PCDH9: variants seen among roughly 807,000 people sequenced by gnomAD.
The protein encoded by PCDH9 is protocadherin-9.
A neutral mutation model predicts 70.6 loss-of-function variants in PCDH9; 24 were observed. The ratio of observed to expected loss-of-function variants is 0.34; its 90% CI spans 0.25 to 0.48. The LOEUF (loss-of-function observed/expected upper bound fraction) is 0.48. Among genes scored for constraint, PCDH9 ranks in the 20% least tolerant of loss-of-function variants. PCDH9 has a pLI of 0.99. For missense variants in PCDH9, 1,281 were observed against 1,503.6 expected, an observed-to-expected ratio of 0.85 and a Z score of 2.45; for synonymous variants, 562 against 558.5, an observed-to-expected ratio of 1.01 and a Z score of -0.09.
chr13:67,036,747 A>T (rs1254867916), intron 2 of PCDH9, among the ~76,000 whole-genome samples: 1 of 152,092 alleles, frequency 6.6e-6, no homozygotes, highest in Non-Finnish European at 1.5e-5. Context: ...CAGGGTTTAT[A>T]TGATAAAATT....
At chr13:67,021,570 T>C (rs1271447582) in intron 2 of PCDH9, among the ~76,000 whole-genome samples, 1 of 152,160 alleles carries the variant, frequency 6.6e-6, no homozygotes, top group Non-Finnish European at 1.5e-5. Context: ...GTGTAATTTT[T>C]TTTTCTTTTG....
chr13:67,054,915 A>G (rs1380238703), intron 2 of PCDH9, among the ~76,000 whole-genome samples: 3 of 152,186 alleles, frequency 2.0e-5, no homozygotes, highest in South Asian at 2.1e-4. Flanking sequence ...GAAATGAGAG[A>G]ATATGTTGGG....
At chr13:66,547,615 A>T (rs1406801042) in intron 4 of PCDH9, among the ~76,000 whole-genome samples, 1 of 152,064 alleles carries the variant, frequency 6.6e-6, no homozygotes, top group Non-Finnish European at 1.5e-5. Context: ...AAATATGCCC[A>T]TGATAGTTCC....
chr13:67,074,377 C>T (rs909493410), intron 2 of PCDH9, among the ~76,000 whole-genome samples: 1 of 152,076 alleles, frequency 6.6e-6, no homozygotes, highest in South Asian at 2.1e-4. Flanking sequence ...CTGAATCTGT[C>T]AGCATGTTGA....
chr13:67,178,151 A>AT (rs2088515201), intron 2 of PCDH9, among the ~76,000 whole-genome samples: 1 of 152,058 alleles, frequency 6.6e-6, no homozygotes, highest in Non-Finnish European at 1.5e-5. Context: ...TATGTCTTGA[A>AT]TTCTTACTGC....
intron 2 of PCDH9, among the ~76,000 whole-genome samples, chr13:66,919,925 T>C (rs998873773): frequency 1.3e-5 from 2 of 151,170 alleles, no homozygotes; most frequent in Non-Finnish European, 3.0e-5. Context: ...TATCCTGATG[T>C]TCATTTTTCA....
chr13:66,313,498 T>C (rs1955598908), intron 4 of PCDH9, among the ~76,000 whole-genome samples: 1 of 152,204 alleles, frequency 6.6e-6, no homozygotes, highest in Admixed American at 6.5e-5. Context: ...CAGGCTGAAG[T>C]CCAAGTGAAA....
intron 3 of PCDH9, among the ~76,000 whole-genome samples, chr13:66,727,565 AT>A (rs2079021800): frequency 6.6e-6 from 1 of 152,154 alleles, no homozygotes; most frequent in African/African-American, 2.4e-5. Context: ...AATATATTAT[AT>A]TTTTGTGGCC....
At chr13:67,024,494 T>C (rs2084740803) in intron 2 of PCDH9, among the ~76,000 whole-genome samples, 1 of 152,128 alleles carries the variant, frequency 6.6e-6, no homozygotes. Flanking sequence ...ACATAATAAA[T>C]TATATTTAAA....
At chr13:67,074,332 A>G (rs551795341) in intron 2 of PCDH9, among the ~76,000 whole-genome samples, 3 of 152,216 alleles carry the variant, frequency 2.0e-5, no homozygotes, top group African/African-American at 7.2e-5. Flanking sequence ...CACAACAGAT[A>G]TCTATGACCC....
chr13:66,304,025 A>G lies in PCDH9; in HGVS notation c.*630T>C, dbSNP rs577140407. ...AATAACAACAAAGAGGTAAATAAAA[A>G]GAAGGACAGAAGCAACCATAAAACA... is the stretch of plus-strand genomic sequence containing the variant. On this transcript the variant is annotated 3_prime_UTR_variant, in exon 5 of 5. Coordinates refer to ENST00000377865, the MANE Select transcript of PCDH9 (RefSeq NM_203487.3). 3 of 152,584 alleles carry G rather than the reference A, an allele frequency of 2.0e-5. No individual in the cohort carries two copies. The South Asian group carries it at 6.2e-4, about 32-fold the overall frequency. The allele number at this position is 152,584 out of a possible 1,614,324, so 9.5% of individuals were successfully genotyped here.
intron 4 of PCDH9, among the ~76,000 whole-genome samples, chr13:66,524,144 C>A (rs1566390512): frequency 6.6e-6 from 1 of 151,808 alleles, no homozygotes; most frequent in Admixed American, 6.6e-5. Flanking sequence ...ACTCTTTTGT[C>A]ACAAACAATT....
chr13:66,480,104 C>G (rs911462108), intron 4 of PCDH9, among the ~76,000 whole-genome samples: 1 of 152,174 alleles, frequency 6.6e-6, no homozygotes, highest in African/African-American at 2.4e-5. Flanking sequence ...GAACCAACTC[C>G]TAACACAATA....
At chr13:66,322,018 C>T (rs1955764331) in intron 4 of PCDH9, among the ~76,000 whole-genome samples, 1 of 151,324 alleles carries the variant, frequency 6.6e-6, no homozygotes, top group Non-Finnish European at 1.5e-5. Context: ...ATATAAATTA[C>T]ATTGACAGAG....
intron 2 of PCDH9, among the ~76,000 whole-genome samples, chr13:67,026,802 C>T (rs1425500020): frequency 1.3e-5 from 2 of 151,692 alleles, no homozygotes; most frequent in East Asian, 1.9e-4. Flanking sequence ...CATGAGTGAA[C>T]TCCCATTCAC....
chr13:67,077,828 G>C (rs949642193), intron 2 of PCDH9, among the ~76,000 whole-genome samples: 1 of 151,730 alleles, frequency 6.6e-6, no homozygotes, highest in Admixed American at 6.6e-5. Context: ...ATATTAAGTG[G>C]GTTTGTGCAG....
At chr13:67,097,653 T>A (rs2086349691) in intron 2 of PCDH9, among the ~76,000 whole-genome samples, 1 of 152,160 alleles carries the variant, frequency 6.6e-6, no homozygotes, top group Non-Finnish European at 1.5e-5. Flanking sequence ...ATTACTGATT[T>A]CAGTAAAAAC....
chr13:67,193,361 AC>A (rs199735080), intron 2 of PCDH9, among the ~76,000 whole-genome samples: 2 of 151,624 alleles, frequency 1.3e-5, no homozygotes, highest in Admixed American at 6.6e-5. Flanking sequence ...ACACACACAC[AC>A]ACACAACATA....
intron 3 of PCDH9, among the ~76,000 whole-genome samples, chr13:66,842,282 A>G (rs2139431589): frequency 6.6e-6 from 1 of 152,306 alleles, no homozygotes; most frequent in Admixed American, 6.5e-5. Flanking sequence ...CCTATGACCT[A>G]AGTCTTATTT....
Sources: gnomAD v4.1 joint callset for allele counts (sites outside exome capture counted in the v4.1 genomes callset) on GRCh38, gnomAD v4.1.1 for gene constraint, MANE v1.5 for transcripts, NCBI Gene and HGNC (gene_info 2026-07-23, HGNC 2026-07-21) for gene names.